The following ROBO2 variants were observed in gnomAD, a reference collection of about 807,000 sequenced individuals.
ROBO2 encodes roundabout homolog 2.
Under a neutral mutation model 160.8 loss-of-function variants are expected in ROBO2, and 53 were observed. The observed-to-expected ratio is 0.33, with a 90% CI of 0.26 to 0.41. The LOEUF (loss-of-function observed/expected upper bound fraction) is 0.41. Among genes scored for constraint, ROBO2 ranks in the 10% least tolerant of loss-of-function variants. ROBO2 has a pLI of 1.00. For synonymous variants in ROBO2, 664 were observed against 611.7 expected, an observed-to-expected ratio of 1.09 and a Z score of -1.26; for missense variants, 1,577 against 1,722.4, an observed-to-expected ratio of 0.92 and a Z score of 1.49.
At chr3:76,217,338 A>G (rs1703614295) in intron 2 of ROBO2, among the ~76,000 whole-genome samples, 1 of 152,198 alleles carries the variant, frequency 6.6e-6, no homozygotes, top group Non-Finnish European at 1.5e-5. Context: ...GGAAATAGAG[A>G]CACAAAAAAC....
At chr3:76,948,908 A>ATATATATATATTTTTTTTTT (rs1209284372) in intron 2 of ROBO2, among the ~76,000 whole-genome samples, 2 of 24,970 alleles carry the variant, frequency 8.0e-5, no homozygotes, top group African/African-American at 3.7e-4. Context: ...ATATATATAT[A>ATATATATATATTTTTTTTTT]TTTTTTTTTT....
intron 2 of ROBO2, among the ~76,000 whole-genome samples, chr3:75,953,076 A>G (rs1986236): frequency 0.43 from 65,776 of 151,782 alleles, 15,540 homozygotes; most frequent in South Asian, 0.66. Flanking sequence ...TATAACATTC[A>G]TGGGAAGAAG....
intron 2 of ROBO2, among the ~76,000 whole-genome samples, chr3:77,369,679 T>C (rs1262853610): frequency 6.6e-6 from 1 of 152,174 alleles, no homozygotes; most frequent in African/African-American, 2.4e-5. Context: ...TTGATGTTGA[T>C]TCCCTGCAAG....
chr3:76,533,935 T>C lies in ROBO2; in HGVS notation c.110-564079T>C, dbSNP rs191112544. ...GGCAGGAACTGAGGTTTCACTTCTTTTGTGGTTTTTCGGCTGCTGCAGATT... is the reference window on the plus strand; with the variant it reads ...GGCAGGAACTGAGGTTTCACTTCTTCTGTGGTTTTTCGGCTGCTGCAGATT... On this transcript the variant is annotated intron_variant, in intron 2 of 26. Transcript: ENST00000487694. 1.2e-3 allele frequency among the ~76,000 whole-genome samples: 178 copies of C among 152,180 alleles called. 4 individuals carry two copies. Among genetic ancestry groups the C allele is most frequent in the African/African-American group, 3.3e-3 (138 of 41,516 alleles).
intron 2 of ROBO2, among the ~76,000 whole-genome samples, chr3:76,279,619 A>T (rs1257256532): frequency 6.6e-6 from 1 of 151,960 alleles, no homozygotes; most frequent in Non-Finnish European, 1.5e-5. Flanking sequence ...CCTATATTTA[A>T]TTTAAATATG....
chr3:77,035,543 A>C (rs1457615173), upstream of ROBO2, among the ~76,000 whole-genome samples: 2 of 151,962 alleles, frequency 1.3e-5, no homozygotes, highest in Admixed American at 6.5e-5. Flanking sequence ...CTATTACTAT[A>C]TTTTAGTCAA....
intron 2 of ROBO2, among the ~76,000 whole-genome samples, chr3:77,209,631 A>T (rs1048984800): frequency 6.6e-6 from 1 of 151,728 alleles, no homozygotes; most frequent in Admixed American, 6.6e-5. Flanking sequence ...TGGAAAGGAC[A>T]CTCGTTTGAG....
chr3:76,860,137 G>A (rs2070590861), intron 2 of ROBO2, among the ~76,000 whole-genome samples: 1 of 152,160 alleles, frequency 6.6e-6, no homozygotes, highest in African/African-American at 2.4e-5. Context: ...GGGAAGTGAT[G>A]AGAGTGGCCA....
intron 2 of ROBO2, among the ~76,000 whole-genome samples, chr3:76,109,549 G>A (rs73842985): frequency 0.092 from 13,927 of 152,068 alleles, 924 homozygotes; most frequent in African/African-American, 0.18. Flanking sequence ...ATCATTTACT[G>A]AGAATGTGTT....
At chr3:77,595,111 T>C in intron 17 of ROBO2, 31 bp from the exon 19 acceptor site, 1 of 1,583,562 alleles carries the variant, frequency 6.3e-7, no homozygotes, top group South Asian at 1.1e-5. Flanking sequence ...TACTTGTGTG[T>C]GCATGTCTTC....
chr3:76,722,850 A>G (rs1322379887), intron 2 of ROBO2, among the ~76,000 whole-genome samples: 8 of 152,332 alleles, frequency 5.3e-5, no homozygotes, highest in Admixed American at 2.6e-4. Flanking sequence ...TTACCAGTTA[A>G]TGGGCATTGG....
chr3:75,958,851 G>A (rs616382), intron 2 of ROBO2, among the ~76,000 whole-genome samples: 151,255 of 151,848 alleles, frequency 1, 75,336 homozygotes, highest in Middle Eastern at 1. Context: ...AACCCACCTG[G>A]TAACTTTGAG....
intron 2 of ROBO2, among the ~76,000 whole-genome samples, chr3:77,342,911 A>G (rs1280714505): frequency 1.3e-5 from 2 of 152,344 alleles, no homozygotes; most frequent in East Asian, 1.9e-4. Flanking sequence ...GGCGTAAGCC[A>G]TGGAAATCTA....
At chr3:77,615,685 G>T (rs1464306686) in intron 21 of ROBO2, among the ~76,000 whole-genome samples, 1 of 152,114 alleles carries the variant, frequency 6.6e-6, no homozygotes. Flanking sequence ...TTTTAGCAAC[G>T]AATAATATTC....
intron 2 of ROBO2, among the ~76,000 whole-genome samples, chr3:77,158,437 A>G (rs1440486238): frequency 1.3e-5 from 2 of 152,164 alleles, no homozygotes; most frequent in Admixed American, 6.6e-5. Flanking sequence ...AAGTTAATAC[A>G]TGTAACTGGG....
chr3:77,613,039 A>G (rs1198403235), intron 21 of ROBO2, among the ~76,000 whole-genome samples: 1 of 152,228 alleles, frequency 6.6e-6, no homozygotes, highest in Non-Finnish European at 1.5e-5. Context: ...TTAGTTAATT[A>G]ATGCATTAAG....
intron 2 of ROBO2, among the ~76,000 whole-genome samples, chr3:77,250,554 G>T (rs924851634): frequency 1.3e-5 from 2 of 152,198 alleles, no homozygotes; most frequent in Admixed American, 6.5e-5. Context: ...GGCAGACACG[G>T]TCTTTTTTTC....
rs1015119578 is a variant in ROBO2, at chr3:76,441,546, C to T, written c.109+503944C>T. On this transcript the variant is annotated intron_variant, in intron 2 of 26. Transcript: ENST00000487694. ...GATTGACAACCCATGAGTTAAACAC[C>T]TGCAGAATGAGGCTTAGTTCAGTAC... 9.8e-5 allele frequency among the ~76,000 whole-genome samples: 15 copies of T among 152,334 alleles called. No individual in the cohort carries two copies. The East Asian group carries it at 2.5e-3, about 25-fold the overall frequency.
chr3:76,549,463 C>T (rs1297620600), intron 2 of ROBO2, among the ~76,000 whole-genome samples: 1 of 152,070 alleles, frequency 6.6e-6, no homozygotes, highest in Admixed American at 6.6e-5. Flanking sequence ...AGGGAGGAAA[C>T]CATTAACTCT....
Sources: allele counts gnomAD v4.1 joint callset (sites outside exome capture counted in the v4.1 genomes callset), GRCh38; gene constraint gnomAD v4.1.1; transcripts MANE v1.5; gene names NCBI Gene and HGNC (gene_info 2026-07-23, HGNC 2026-07-21).